The following SEMA5A variants were observed in gnomAD, a reference collection of about 807,000 sequenced individuals.
SEMA5A encodes the protein semaphorin-5A.
In SEMA5A, 55 loss-of-function variants were observed where a neutral mutation model predicts 135.5. That is an observed-to-expected ratio of 0.41 (90% CI 0.33 to 0.51). The LOEUF is 0.51. Ranked by LOEUF, SEMA5A falls within the 20% of genes least tolerant of loss-of-function variation. The pLI is 0.37. For synonymous variants in SEMA5A, 580 were observed against 546.5 expected, an observed-to-expected ratio of 1.06 and a Z score of -0.85; for missense variants, 1,290 against 1,419.9, an observed-to-expected ratio of 0.91 and a Z score of 1.47.
intron 16 of SEMA5A, among the ~76,000 whole-genome samples, chr5:9,104,279 A>C (rs1299306902): frequency 6.6e-6 from 1 of 152,164 alleles, no homozygotes; most frequent in Admixed American, 6.5e-5. Flanking sequence ...AATAAATTTT[A>C]ATTACTCTTA....
rs57237313 is a variant in SEMA5A at position 9,336,587 on chromosome 5, C to A, written c.224+1126G>T. On this transcript the variant is annotated intron_variant, in intron 4 of 22. Coordinates refer to ENST00000382496, the MANE Select transcript of SEMA5A (RefSeq NM_003966.3). ...TCCATACTCACCGCCTCCTCACAAA[C>A]GTCAAAAGAGGTGAAGGTAACTTGC... Among the ~76,000 whole-genome samples, 399 of 152,310 alleles carry A rather than the reference C, an allele frequency of 2.6e-3. 4 individuals carry two copies. In the East Asian group the frequency reaches 0.034, roughly 13 times the overall value.
chr5:9,230,154 TTTTC>T (rs1747543642), intron 6 of SEMA5A, among the ~76,000 whole-genome samples: 1 of 146,832 alleles, frequency 6.8e-6, no homozygotes, highest in Non-Finnish European at 1.5e-5. Context: ...CTGGCTATTT[TTTTC>T]TTTTTTTTTT....
chr5:9,486,622 C>T (rs1403078819), intron 1 of SEMA5A, among the ~76,000 whole-genome samples: 1 of 151,666 alleles, frequency 6.6e-6, no homozygotes, highest in Admixed American at 6.6e-5. Context: ...GAACAAAGAT[C>T]ATCGATGGGA....
At position 9,190,340 on chromosome 5, in the gene SEMA5A, G is replaced by T; in HGVS notation, c.1200C>A (p.Ser400Arg). The T allele has an allele frequency of 6.2e-7, 1 of 1,614,080 alleles. No homozygotes were observed. Among genetic ancestry groups the T allele is most frequent in the Non-Finnish European group, 8.5e-7 (1 of 1,180,034 alleles). The change falls in exon 11 of 23, where the codon AGC (serine) becomes AGA (arginine). Residue 400 changes from serine to arginine, a missense_variant. Ser to Arg is a moderately radical substitution (Grantham distance 110). Transcript: ENST00000382496. ...TTVPSFMEDNSRFSHVAVDVV... is the reference protein window; with the variant it reads ...TTVPSFMEDNRRFSHVAVDVV... ...CGTCGACTGCCACGTGGGAAAAGCG[G>T]CTATTGTCCTCCATGAAGGAGGGCA... is the stretch of plus-strand genomic sequence containing the variant.
intron 5 of SEMA5A, among the ~76,000 whole-genome samples, chr5:9,251,509 T>C (rs1434904854): frequency 3.9e-5 from 6 of 152,292 alleles, no homozygotes; most frequent in Non-Finnish European, 5.9e-5. Context: ...AAAAATACTT[T>C]AGGTATGACT....
At chr5:9,340,706 T>C (rs141903771) in intron 3 of SEMA5A, among the ~76,000 whole-genome samples, 41 of 152,362 alleles carry the variant, frequency 2.7e-4, no homozygotes, top group African/African-American at 3.8e-4. Context: ...TGTATTTTTA[T>C]GGTTAACATA....
Position 9,044,416 on chromosome 5 carries a change from T to G in SEMA5A, c.3062A>C (p.His1021Pro). 1 of 1,613,536 alleles carries G rather than the reference T, an allele frequency of 6.2e-7. No homozygotes were observed. Among genetic ancestry groups the G allele is most frequent in the Non-Finnish European group, 8.5e-7 (1 of 1,179,874 alleles). The change falls in exon 22 of 23, where the codon CAC becomes CCC. Residue 1021 changes from histidine to proline, a missense_variant. Around this residue, in one of 3 missense-constraint regions of SEMA5A, gnomAD observed 1,029 missense variants for 1,086.6 expected, o/e 0.95. Transcript: ENST00000382496. ...GTCGTACTTGTCCAGTTTGTTGATGTGGTTGGTTATGCTGGTATTAAGGGG... is the reference window on the plus strand; with the variant it reads ...GTCGTACTTGTCCAGTTTGTTGATGGGGTTGGTTATGCTGGTATTAAGGGG... ...PAPLNTSITN[H>P]INKLDKYDSV...
intron 3 of SEMA5A, among the ~76,000 whole-genome samples, chr5:9,348,219 G>C (rs915916939): frequency 5.9e-5 from 9 of 152,060 alleles, no homozygotes; most frequent in Non-Finnish European, 8.8e-5. Context: ...TCAAGATCTT[G>C]GTAAATTCCT....
chr5:9,359,276 G>GT (rs1754588868), intron 3 of SEMA5A, among the ~76,000 whole-genome samples: 2 of 152,044 alleles, frequency 1.3e-5, no homozygotes, highest in African/African-American at 4.8e-5. Flanking sequence ...AAATTCCTTA[G>GT]TTTTTTTCCT....
intron 1 of SEMA5A, among the ~76,000 whole-genome samples, chr5:9,441,527 G>C (rs1289861402): frequency 6.6e-6 from 1 of 152,150 alleles, no homozygotes; most frequent in African/African-American, 2.4e-5. Flanking sequence ...ACCAAGATAA[G>C]AGTTTGCAGG....
At chr5:9,430,717 G>A (rs1757827496) in intron 2 of SEMA5A, among the ~76,000 whole-genome samples, 1 of 152,162 alleles carries the variant, frequency 6.6e-6, no homozygotes, top group South Asian at 2.1e-4. Context: ...TGGCGGTGTT[G>A]GGTGATCTTG....
chr5:9,499,444 C>T (rs998964773), intron 1 of SEMA5A, among the ~76,000 whole-genome samples: 1 of 152,134 alleles, frequency 6.6e-6, no homozygotes, highest in Middle Eastern at 3.2e-3. Context: ...TACAAAGCAG[C>T]CTAGCTTCCA....
At chr5:9,507,505 C>A (rs998766002) in intron 1 of SEMA5A, among the ~76,000 whole-genome samples, 3 of 152,130 alleles carry the variant, frequency 2.0e-5, no homozygotes, top group African/African-American at 7.2e-5. Context: ...ATGCTTATTG[C>A]CCTTTACAGG....
chr5:9,097,612 C>T (rs1298372244), intron 16 of SEMA5A, among the ~76,000 whole-genome samples: 2 of 152,188 alleles, frequency 1.3e-5, no homozygotes, highest in Non-Finnish European at 2.9e-5. Flanking sequence ...GTGATCTCCA[C>T]CTTTTCTGTA....
At chr5:9,162,524 G>A (rs372173719) in intron 11 of SEMA5A, among the ~76,000 whole-genome samples, 5 of 56,102 alleles carry the variant, frequency 8.9e-5, no homozygotes, top group Admixed American at 1.9e-4. Context: ...ATGTGTATAT[G>A]TGTATATATA....
intron 1 of SEMA5A, among the ~76,000 whole-genome samples, chr5:9,525,352 C>T (rs1001929233): frequency 6.6e-6 from 1 of 152,160 alleles, no homozygotes. Context: ...AGTAAAGGCA[C>T]CAGGATTTCA....
rs555084570 is a variant in SEMA5A at position 9,152,227 on chromosome 5, G to A, written c.1481+2261C>T. Among the ~76,000 whole-genome samples the A allele has an allele frequency of 9.2e-5, 14 of 152,258 alleles. No individual in the cohort carries two copies. In the South Asian group the frequency reaches 1.7e-3, roughly 18 times the overall value. On this transcript the variant is annotated intron_variant, in intron 12 of 22. Transcript: ENST00000382496. ...CCTGCGGCTTCCTGTGGGTTATCCC[G>A]TGTCACCCTCCAAAAAGGTCATCCT...
rs768200410 is a variant in SEMA5A, at chr5:9,154,556, C to T, written c.1413G>A (p.Leu471=). The T allele has an allele frequency of 6.2e-7, 1 of 1,613,328 alleles. No individual in the cohort carries two copies. Among genetic ancestry groups the T allele is most frequent in the South Asian group, 1.1e-5 (1 of 91,034 alleles). Residue 471 remains leucine (L), a synonymous_variant, in exon 12 of 23, where the codon CTG becomes CTA. Coordinates refer to ENST00000382496, the MANE Select transcript of SEMA5A (RefSeq NM_003966.3). The part of the protein sequence containing the change: ...SLQILHSQSV[L]FVGLREHVVK... ...CCACGTGCTCCCGCAGGCCCACGAA[C>T]AGGACACTCTGGCTGTGCAGGATCT...
chr5:9,205,679 A>G (rs748894403), intron 8 of SEMA5A, among the ~76,000 whole-genome samples: 2 of 152,224 alleles, frequency 1.3e-5, no homozygotes, highest in Non-Finnish European at 2.9e-5. Flanking sequence ...TTTGGTTTGC[A>G]AAAACAACAA....
Sources: allele counts gnomAD v4.1 joint callset (sites outside exome capture counted in the v4.1 genomes callset), GRCh38; gene constraint gnomAD v4.1.1; regional missense constraint gnomAD v4.1.1; transcripts MANE v1.5; gene names NCBI Gene and HGNC (gene_info 2026-07-23, HGNC 2026-07-21).